The following KDM4C variants were observed in gnomAD, a reference collection of about 807,000 sequenced individuals.
KDM4C encodes lysine-specific demethylase 4C.
Under a neutral mutation model 129.3 loss-of-function variants are expected in KDM4C, and 81 were observed. The ratio of observed to expected loss-of-function variants is 0.63; its 90% confidence interval spans 0.52 to 0.75. The LOEUF is 0.75. Among genes scored for constraint, KDM4C ranks in the 30% least tolerant of loss-of-function variants. The probability of loss-of-function intolerance (pLI) is 0.00; values close to 1 mark genes in which losing one functional copy is unlikely to be tolerated. For missense variants in KDM4C, 1,457 were observed against 1,304.0 expected (o/e 1.12, Z -1.81); for synonymous variants, 573 against 456.1 (o/e 1.26, Z -3.26).
intron 1 of KDM4C, among the ~76,000 whole-genome samples, chr9:6,740,871 A>G (rs1817672444): frequency 6.6e-6 from 1 of 151,556 alleles, no homozygotes; most frequent in East Asian, 2.0e-4. Flanking sequence ...TCTGTTGTCC[A>G]AGTTGGATTG....
chr9:6,946,627 T>C (rs1477408211), intron 8 of KDM4C, among the ~76,000 whole-genome samples: 1 of 152,162 alleles, frequency 6.6e-6, no homozygotes, highest in Non-Finnish European at 1.5e-5. Context: ...TGTTTGTTTA[T>C]GTGCGTGTGT....
upstream of KDM4C, among the ~76,000 whole-genome samples, chr9:6,757,026 C>T (rs1347015699): frequency 6.6e-6 from 1 of 152,098 alleles, no homozygotes; most frequent in East Asian, 1.9e-4. Flanking sequence ...CAGCTGGGAG[C>T]TCTGTAGGAA....
At chr9:6,746,937 C>T (rs1301989219) in intron 1 of KDM4C, among the ~76,000 whole-genome samples, 1 of 126,282 alleles carries the variant, frequency 7.9e-6, no homozygotes, top group African/African-American at 3.0e-5. Flanking sequence ...ATCCGGGAGG[C>T]GGAGCTTGCA....
intron 19 of KDM4C, among the ~76,000 whole-genome samples, chr9:7,154,066 G>A (rs972797650): frequency 1.3e-5 from 2 of 152,196 alleles, no homozygotes; most frequent in Admixed American, 1.3e-4. Flanking sequence ...AGTTGTCTTT[G>A]CTGTGAGGGA....
chr9:7,083,231 T>TGTA (rs1834736611), intron 17 of KDM4C, among the ~76,000 whole-genome samples: 1 of 152,226 alleles, frequency 6.6e-6, no homozygotes, highest in African/African-American at 2.4e-5. Context: ...ACTTGCATTA[T>TGTA]ATACTTACTG....
chr9:6,790,877 T>C (rs1011494458), intron 1 of KDM4C, among the ~76,000 whole-genome samples: 1 of 152,172 alleles, frequency 6.6e-6, no homozygotes, highest in Non-Finnish European at 1.5e-5. Context: ...ATCCTGTTTA[T>C]TGACAGCGAG....
At chr9:7,065,971 G>A (rs573418515) in intron 17 of KDM4C, among the ~76,000 whole-genome samples, 3 of 146,364 alleles carry the variant, frequency 2.0e-5, no homozygotes, top group South Asian at 2.3e-4. Flanking sequence ...GTTGCTTTGC[G>A]GACAATGGAG....
chr9:6,984,593 T>C (rs1424035511), intron 10 of KDM4C, among the ~76,000 whole-genome samples, 189 bp downstream of exon 10: 6 of 152,146 alleles, frequency 3.9e-5, no homozygotes, highest in Admixed American at 1.3e-4. Flanking sequence ...CTCACTGCTA[T>C]GTGTAGCAGA....
At chr9:7,166,791 G>A (rs10976083) in intron 20 of KDM4C, among the ~76,000 whole-genome samples, 1 of 152,068 alleles carries the variant, frequency 6.6e-6, no homozygotes, top group Non-Finnish European at 1.5e-5. Flanking sequence ...TAATCAGTGT[G>A]TTAACTTCAG....
At chr9:6,943,090 A>G (rs1017040995) in intron 8 of KDM4C, among the ~76,000 whole-genome samples, 4 of 151,646 alleles carry the variant, frequency 2.6e-5, no homozygotes, top group East Asian at 1.9e-4. Context: ...GCTGTCTGGA[A>G]CTCCTGGAGT....
At chr9:6,772,990 C>G (rs1361106421) in intron 1 of KDM4C, among the ~76,000 whole-genome samples, 1 of 151,926 alleles carries the variant, frequency 6.6e-6, no homozygotes, top group Non-Finnish European at 1.5e-5. Flanking sequence ...GCCACAGTGC[C>G]TGGCTTTTCT....
At chr9:6,860,010 A>G (rs1840636527) in intron 5 of KDM4C, among the ~76,000 whole-genome samples, 1 of 152,210 alleles carries the variant, frequency 6.6e-6, no homozygotes, top group African/African-American at 2.4e-5. Context: ...ATGAAGGAGT[A>G]GGCAAGAAGA....
At chr9:6,811,057 TCTTA>T (rs988886697) in intron 3 of KDM4C, among the ~76,000 whole-genome samples, 6 of 152,212 alleles carry the variant, frequency 3.9e-5, no homozygotes, top group African/African-American at 1.2e-4. Flanking sequence ...GAACCAATGC[TCTTA>T]CTTGTCAACA....
At chr9:7,069,689 T>C (rs1381120176) in intron 17 of KDM4C, among the ~76,000 whole-genome samples, 1 of 152,228 alleles carries the variant, frequency 6.6e-6, no homozygotes, top group South Asian at 2.1e-4. Context: ...GTGTATATAG[T>C]TTTATGTAAT....
In KDM4C at chr9:7,019,637, A is replaced by T. The variant is rs576942984; in HGVS notation, c.2259+3708A>T. Among the ~76,000 whole-genome samples, 3 of 148,944 alleles carry T rather than the reference A, an allele frequency of 2.0e-5. No individual in the cohort carries two copies. In the East Asian group the frequency reaches 5.8e-4, roughly 29 times the overall value. ...TTTTTATGAGGTATATGAGAATTGT[A>T]TGTGGTGGTTCTATTTTTTAAAGAT... On this transcript the variant is annotated intron_variant, in intron 15 of 21. Transcript: ENST00000381309.
At chr9:6,919,759 G>A (rs1339506800) in intron 8 of KDM4C, among the ~76,000 whole-genome samples, 2 of 151,914 alleles carry the variant, frequency 1.3e-5, no homozygotes, top group South Asian at 2.1e-4. Context: ...ATTTTTAGTA[G>A]AGATGGGGTT....
intron 12 of KDM4C, among the ~76,000 whole-genome samples, chr9:6,999,961 TATAGTTCTGTCTGTTTAAGCAA>T (rs1479123193): frequency 6.6e-6 from 1 of 152,238 alleles, no homozygotes; most frequent in East Asian, 1.9e-4. Flanking sequence ...TAAGCACATT[TATAGTTCTGTCTGTTTAAGCAA>T]TAAAACAGCA....
intron 17 of KDM4C, among the ~76,000 whole-genome samples, chr9:7,067,985 A>G (rs984684446): frequency 2.6e-5 from 4 of 152,042 alleles, no homozygotes; most frequent in Non-Finnish European, 5.9e-5. Context: ...TTTAGTAGAG[A>G]CGGGGTTTCA....
chr9:6,746,163 A>G (rs1817864350), intron 1 of KDM4C, among the ~76,000 whole-genome samples: 1 of 147,376 alleles, frequency 6.8e-6, no homozygotes, highest in Admixed American at 6.8e-5. Context: ...CTGGTCTCAC[A>G]CTCCTGACCT....
Sources: gnomAD v4.1 joint callset for allele counts (sites outside exome capture counted in the v4.1 genomes callset) on GRCh38, gnomAD v4.1.1 for gene constraint, MANE v1.5 for transcripts, NCBI Gene and HGNC (gene_info 2026-07-23, HGNC 2026-07-21) for gene names.